The following ANK2 variants were observed in gnomAD, a reference collection of about 807,000 sequenced individuals.
ANK2 encodes the protein ankyrin-2.
A neutral mutation model predicts 360.5 loss-of-function variants in ANK2; 83 were observed. That is an observed-to-expected ratio of 0.23 (90% CI 0.19 to 0.28). The LOEUF is 0.28. Among genes scored for constraint, ANK2 ranks in the 10% least tolerant of loss-of-function variants. ANK2 has a pLI of 1.00. For missense variants in ANK2, 4,201 were observed against 4,795.7 expected, an observed-to-expected ratio of 0.88 and a Z score of 3.66; for synonymous variants, 1,740 against 1,759.5, an observed-to-expected ratio of 0.99 and a Z score of 0.28.
chr4:113,051,191 G>A (rs1012873517), intron 1 of ANK2, among the ~76,000 whole-genome samples: 1 of 152,042 alleles, frequency 6.6e-6, no homozygotes, highest in African/African-American at 2.4e-5. Flanking sequence ...AGAAGAGAGA[G>A]CGCGAGCAAG....
At chr4:113,098,096 A>G (rs1048557988) in intron 1 of ANK2, among the ~76,000 whole-genome samples, 2 of 151,464 alleles carry the variant, frequency 1.3e-5, no homozygotes, top group African/African-American at 4.8e-5. Flanking sequence ...CATTGAATGA[A>G]TTGTTTGGAA....
the ANK2 span, among the ~76,000 whole-genome samples, chr4:112,733,999 T>C: frequency 1.3e-5 from 2 of 152,234 alleles, no homozygotes; most frequent in East Asian, 3.8e-4. Context: ...GGTCTCGAAC[T>C]CCTGGCCTCA....
Position 113,356,077 on chromosome 4 carries a change from T to A in ANK2, c.7459T>A (p.Phe2487Ile). The A allele has an allele frequency of 3.1e-6, 5 of 1,614,126 alleles. No homozygotes were observed. The South Asian group carries it at 5.5e-5, about 18-fold the overall frequency. The change falls in exon 38 of 46, where the codon TTT becomes ATT. Residue 2487 changes from phenylalanine to isoleucine, a missense_variant. Physicochemically the swap from Phe to Ile is conservative, Grantham distance 21 (BLOSUM62 0). Coordinates refer to ENST00000357077, the MANE Select transcript of ANK2 (RefSeq NM_001148.6). ...GAAGGCTGGAATTTTTCCAAGTCAC[T>A]TTCCTCTTCCTGCAGCTGTTGCCAA... is the stretch of plus-strand genomic sequence containing the variant. ...KMKAGIFPSH[F>I]PLPAAVAKTE... is the part of the protein sequence containing the mutation.
At chr4:113,155,452 G>T (rs1298233327) in intron 1 of ANK2, among the ~76,000 whole-genome samples, 2 of 152,120 alleles carry the variant, frequency 1.3e-5, no homozygotes, top group African/African-American at 4.8e-5. Context: ...AGACATTGGA[G>T]AAATTTAAAG....
intron 45 of ANK2, among the ~76,000 whole-genome samples, chr4:113,377,530 G>A (rs1359187589): frequency 6.6e-6 from 1 of 152,148 alleles, no homozygotes; most frequent in African/African-American, 2.4e-5. Context: ...AAGGGATCCT[G>A]GGCATGTGCA....
intron 45 of ANK2, chr4:113,374,692 A>C (rs570205506): frequency 3.1e-6 from 3 of 952,744 alleles, no homozygotes; most frequent in Non-Finnish European, 3.8e-6. Context: ...TTTGTTTTTT[A>C]ACATAGAAAA....
rs139708184 is a variant in ANK2 at position 113,168,943 on chromosome 4, G to C, written c.85-5473G>C. On this transcript the variant is annotated intron_variant, in intron 1 of 45. Coordinates refer to ENST00000357077, the MANE Select transcript of ANK2 (RefSeq NM_001148.6). ...TGGTGACAGACCACACCCAGTTCTG[G>C]TTCATTTTGTCCTTTTATACCTGTA... Among the ~76,000 whole-genome samples, 58 of 152,228 alleles carry C rather than the reference G, an allele frequency of 3.8e-4. No homozygotes were observed. In the East Asian group the frequency reaches 9.5e-3, roughly 25 times the overall value.
intron 1 of ANK2, among the ~76,000 whole-genome samples, chr4:112,878,548 A>C (rs1056873073): frequency 4.6e-5 from 7 of 151,498 alleles, no homozygotes; most frequent in Admixed American, 4.6e-4. Flanking sequence ...CTGGTCTCAA[A>C]CTCCTGACCT....
At chr4:113,200,892 TG>T (rs1323754231) in intron 4 of ANK2, among the ~76,000 whole-genome samples, 1 of 101,680 alleles carries the variant, frequency 9.8e-6, no homozygotes, top group East Asian at 2.7e-4. Flanking sequence ...TGTCAGGGGG[TG>T]GGGGGCTAGG....
intron 2 of ANK2, among the ~76,000 whole-genome samples, chr4:112,973,014 T>G (rs1389470481): frequency 6.6e-6 from 1 of 151,980 alleles, no homozygotes; most frequent in Non-Finnish European, 1.5e-5. Context: ...TTTAGGGGCT[T>G]GAGGGGTAAG....
chr4:112,860,610 A>G (rs2067703943), intron 1 of ANK2, among the ~76,000 whole-genome samples: 1 of 152,174 alleles, frequency 6.6e-6, no homozygotes, highest in South Asian at 2.1e-4. Flanking sequence ...ATAATTACTA[A>G]TATTTTTGGG....
chr4:113,142,207 A>G (rs570553852), intron 1 of ANK2, among the ~76,000 whole-genome samples: 1 of 152,258 alleles, frequency 6.6e-6, no homozygotes, highest in Non-Finnish European at 1.5e-5. Flanking sequence ...GTATTTGCTA[A>G]GCTTTCCTTC....
chr4:113,274,174 T>C (rs1041550773), intron 14 of ANK2, among the ~76,000 whole-genome samples: 1 of 152,206 alleles, frequency 6.6e-6, no homozygotes, highest in Admixed American at 6.5e-5. Context: ...TAAACATAAG[T>C]GAGGCCTAAA....
chr4:113,242,096 CT>C lies in ANK2; in HGVS notation c.793-12del. The C allele has an allele frequency of 6.2e-7, 1 of 1,606,984 alleles. No homozygotes were observed. The highest frequency in any genetic ancestry group is 8.5e-7 in the Non-Finnish European group (1 of 1,173,684). On this transcript the variant is annotated splice_polypyrimidine_tract_variant and intron_variant, in intron 8 of 45. Coordinates refer to ENST00000357077, the MANE Select transcript of ANK2 (RefSeq NM_001148.6). ...TCATACCCAACAGCTCTTGTTTGGTCTTTCTGTGGTGTAGAATGGAATCACT... is the reference window on the plus strand; with the variant it reads ...TCATACCCAACAGCTCTTGTTTGGTCTTCTGTGGTGTAGAATGGAATCACT...
chr4:113,095,003 G>A (rs948632561), intron 1 of ANK2, among the ~76,000 whole-genome samples: 8 of 152,212 alleles, frequency 5.3e-5, no homozygotes, highest in African/African-American at 1.7e-4. Flanking sequence ...AAAGCAACAG[G>A]TGAAATTTAA....
intron 29 of ANK2, among the ~76,000 whole-genome samples, chr4:113,335,457 G>A (rs2093394531): frequency 6.6e-6 from 1 of 152,104 alleles, no homozygotes; most frequent in Non-Finnish European, 1.5e-5. Context: ...GCAAAGAAAA[G>A]GAGCCCAGAA....
intron 22 of ANK2, among the ~76,000 whole-genome samples, chr4:113,300,680 G>C (rs2074490890): frequency 6.6e-6 from 1 of 152,148 alleles, no homozygotes; most frequent in African/African-American, 2.4e-5. Context: ...AGAGAAGAGG[G>C]GAAAGAAGAT....
chr4:112,749,938 G>C, the ANK2 span, among the ~76,000 whole-genome samples: 1 of 152,048 alleles, frequency 6.6e-6, no homozygotes, highest in African/African-American at 2.4e-5. Flanking sequence ...TAGAGATGGG[G>C]TTTCACCGTG....
intron 1 of ANK2, among the ~76,000 whole-genome samples, chr4:113,125,550 T>C (rs749876686): frequency 1.3e-5 from 2 of 152,200 alleles, no homozygotes; most frequent in Non-Finnish European, 2.9e-5. Flanking sequence ...CTTAATTCTG[T>C]CTACTCACTA....
Sources: gnomAD v4.1 joint callset for allele counts (sites outside exome capture counted in the v4.1 genomes callset) on GRCh38, gnomAD v4.1.1 for gene constraint, MANE v1.5 for transcripts, NCBI Gene and HGNC (gene_info 2026-07-23, HGNC 2026-07-21) for gene names.